Variants in MICAL2 observed in about 807,000 individuals in gnomAD.
MICAL2 encodes microtubule associated monooxygenase, calponin and LIM domain containing 2.
Under a neutral mutation model 127.3 loss-of-function variants are expected in MICAL2, and 77 were observed. That is an observed-to-expected ratio of 0.60 (90% CI 0.50 to 0.73). MICAL2 has a LOEUF of 0.73. MICAL2 is among the 30% of genes least tolerant of loss of function. The pLI is 0.00. For synonymous variants in MICAL2, 570 were observed against 551.1 expected, an observed-to-expected ratio of 1.03 and a Z score of -0.48; for missense variants, 1,351 against 1,434.4, an observed-to-expected ratio of 0.94 and a Z score of 0.94.
intron 1 of MICAL2, among the ~76,000 whole-genome samples, chr11:12,137,779 A>G (rs1427353618): frequency 2.0e-5 from 3 of 152,246 alleles, no homozygotes; most frequent in East Asian, 3.9e-4. Context: ...GAAGTAAATC[A>G]TTAGAAATAT....
intron 15 of MICAL2, among the ~76,000 whole-genome samples, chr11:12,234,774 A>G (rs1377689192): frequency 6.6e-6 from 1 of 152,110 alleles, no homozygotes; most frequent in Non-Finnish European, 1.5e-5. Context: ...GAGGGAGGGG[A>G]TGCGTACTGG....
At chr11:12,244,957 GA>G (rs1860520748) in intron 21 of MICAL2, among the ~76,000 whole-genome samples, 1 of 152,244 alleles carries the variant, frequency 6.6e-6, no homozygotes, top group African/African-American at 2.4e-5. Flanking sequence ...GATCAGCCTG[GA>G]GGATGAGAAG....
Position 12,242,373 on chromosome 11 carries a change from G to A in MICAL2, c.2497G>A (p.Ala833Thr), listed in dbSNP as rs1021076020. 4 of 1,613,874 alleles carry A rather than the reference G, an allele frequency of 2.5e-6. No homozygotes were observed. Among genetic ancestry groups the A allele is most frequent in the Non-Finnish European group, 3.4e-6 (4 of 1,179,902 alleles). Residue 833 changes from alanine (A) to threonine (T), a missense_variant, in exon 19 of 28, where the codon GCG (alanine) becomes ACG (threonine). Ala to Thr is a moderately conservative substitution (Grantham distance 58). This residue lies in a region of MICAL2 where 752 missense variants were observed against 719.4 expected (regional missense o/e 1.05). Transcript: ENST00000683283. ...TACCCTGCCTTCTACCCGCCCGAGG[G>A]CGCAGGCTCTTTCCGGGGTGCTGTG... ...FATLPSTRPR[A>T]QALSGVLWRL...
chr11:12,347,565 G>A (rs765431610), intron 32 of MICAL2, among the ~76,000 whole-genome samples: 4 of 152,102 alleles, frequency 2.6e-5, no homozygotes, highest in Admixed American at 2.6e-4. Flanking sequence ...AATAATTTGG[G>A]ATATTGCATA....
rs142869704 is a variant in MICAL2, at chr11:12,191,118, C to A, written c.265-13132C>A. ...CTATGAATCAGAGACAAGGCCTCTGCTTTAGTGGAACTTATGTTCTAGAGG... is the reference window on the plus strand; with the variant it reads ...CTATGAATCAGAGACAAGGCCTCTGATTTAGTGGAACTTATGTTCTAGAGG... On this transcript the variant is annotated intron_variant, in intron 3 of 27. Transcript: ENST00000683283. Among the ~76,000 whole-genome samples, 327 of 152,244 alleles carry A rather than the reference C, an allele frequency of 2.1e-3. 1 individual carries two copies. Among genetic ancestry groups the A allele is most frequent in the African/African-American group, 7.3e-3 (303 of 41,552 alleles).
upstream of MICAL2, among the ~76,000 whole-genome samples, chr11:12,273,147 G>A (rs570022315): frequency 5.9e-5 from 9 of 152,178 alleles, no homozygotes; most frequent in Non-Finnish European, 1.3e-4. Flanking sequence ...ACTGATCCCC[G>A]TCCTCTGACA....
At chr11:12,135,409 G>C (rs1851756066) in intron 1 of MICAL2, among the ~76,000 whole-genome samples, 1 of 152,092 alleles carries the variant, frequency 6.6e-6, no homozygotes, top group South Asian at 2.1e-4. Flanking sequence ...AGGAGAGCTG[G>C]AAGTGAACCC....
In MICAL2 at chr11:12,225,354, G is replaced by A. The variant is rs534343266; in HGVS notation, c.1688+534G>A. Among the ~76,000 whole-genome samples, 26 of 152,328 alleles carry A rather than the reference G, an allele frequency of 1.7e-4. No homozygotes were observed. In the South Asian group the frequency reaches 5.2e-3, roughly 30 times the overall value. ...GGAAACACTGTGGTGCTAAAGCATG[G>A]TGCATCTGTGTTTAAATCAGCAGCA... On this transcript the variant is annotated intron_variant, in intron 13 of 27. Transcript: ENST00000683283.
chr11:12,233,681 G>A (rs546792843), intron 15 of MICAL2, among the ~76,000 whole-genome samples: 2 of 152,260 alleles, frequency 1.3e-5, no homozygotes, highest in East Asian at 3.9e-4. Context: ...ATCATGATAA[G>A]AAAGTATTCT....
At chr11:12,292,877 A>G (rs1341584904), downstream of MICAL2, among the ~76,000 whole-genome samples, 2 of 152,172 alleles carry the variant, frequency 1.3e-5, no homozygotes, top group East Asian at 1.9e-4. Flanking sequence ...CCCTTCAGGC[A>G]CCAGAGGTCT....
intron 1 of MICAL2, among the ~76,000 whole-genome samples, chr11:12,128,891 C>G (rs1032173330): frequency 7.9e-5 from 12 of 152,230 alleles, no homozygotes; most frequent in Admixed American, 6.5e-5. Flanking sequence ...ATCAGAGAAG[C>G]TATGTCAACA....
chr11:12,243,836 C>A, intron 20 of MICAL2, 151 bp from the exon 21 acceptor site: 1 of 901,434 alleles, frequency 1.1e-6, no homozygotes, highest in Non-Finnish European at 1.7e-6. Context: ...TTTCTGGCTC[C>A]AAAGACAGGG....
At chr11:12,112,931 C>A (rs1202208362) in intron 1 of MICAL2, among the ~76,000 whole-genome samples, 2 of 152,102 alleles carry the variant, frequency 1.3e-5, no homozygotes, top group East Asian at 1.9e-4. Context: ...GTTCTCTCCA[C>A]CCACACCTGG....
intron 31 of MICAL2, among the ~76,000 whole-genome samples, chr11:12,325,368 C>G (rs1251878497): frequency 6.6e-6 from 1 of 152,168 alleles, no homozygotes; most frequent in Non-Finnish European, 1.5e-5. Flanking sequence ...CCACATTTTC[C>G]CAAAATGCTG....
At chr11:12,316,181 C>T (rs1864229486) in intron 29 of MICAL2, among the ~76,000 whole-genome samples, 1 of 151,900 alleles carries the variant, frequency 6.6e-6, no homozygotes, top group Admixed American at 6.5e-5. Context: ...TTATTATAGA[C>T]AATATATAGC....
At chr11:12,132,434 A>C (rs1851496433) in intron 1 of MICAL2, among the ~76,000 whole-genome samples, 1 of 152,240 alleles carries the variant, frequency 6.6e-6, no homozygotes, top group Non-Finnish European at 1.5e-5. Context: ...TCATGCCCTC[A>C]GGGAAAATGA....
intron 20 of MICAL2, among the ~76,000 whole-genome samples, chr11:12,243,656 C>G (rs569352838): frequency 6.6e-6 from 1 of 152,230 alleles, no homozygotes; most frequent in Non-Finnish European, 1.5e-5. Flanking sequence ...CTCCTAAGCT[C>G]GCAGCTGCTA....
intron 1 of MICAL2, among the ~76,000 whole-genome samples, chr11:12,113,766 C>T (rs1472887332): frequency 2.6e-5 from 4 of 152,056 alleles, no homozygotes; most frequent in Admixed American, 2.6e-4. Context: ...AAAAACACAG[C>T]ATATATAGGG....
chr11:12,329,545 G>A (rs891293884), intron 32 of MICAL2, among the ~76,000 whole-genome samples: 3 of 152,150 alleles, frequency 2.0e-5, no homozygotes, highest in East Asian at 1.9e-4. Flanking sequence ...ATTCCACTCC[G>A]CTTAGGCTGA....
Sources: gnomAD v4.1 joint callset for allele counts (sites outside exome capture counted in the v4.1 genomes callset) on GRCh38, gnomAD v4.1.1 for gene constraint, gnomAD v4.1.1 regional missense constraint, MANE v1.5 for transcripts, NCBI Gene and HGNC (gene_info 2026-07-23, HGNC 2026-07-21) for gene names.